Variants in SHROOM3 observed in about 807,000 individuals in gnomAD.
SHROOM3 encodes the protein protein Shroom3.
A neutral mutation model predicts 138.6 loss-of-function variants in SHROOM3; 47 were observed. That is an observed-to-expected ratio of 0.34 (90% CI 0.27 to 0.43). The LOEUF is 0.43. Among genes scored for constraint, SHROOM3 ranks in the 20% least tolerant of loss-of-function variants. The probability of loss-of-function intolerance (pLI) is 1.00; values close to 1 mark genes in which losing one functional copy is unlikely to be tolerated. For missense variants in SHROOM3, 2,491 were observed against 2,596.5 expected (o/e 0.96, Z 0.88); for synonymous variants, 1,062 against 1,063.3 (o/e 1.00, Z 0.02).
chr4:76,609,515 C>T (rs1328219237), intron 2 of SHROOM3, among the ~76,000 whole-genome samples: 1 of 152,214 alleles, frequency 6.6e-6, no homozygotes. Context: ...ATGAGATTCT[C>T]CTGCCTCAGC....
intron 4 of SHROOM3, among the ~76,000 whole-genome samples, chr4:76,734,656 G>A (rs910386517): frequency 5.9e-5 from 9 of 151,900 alleles, no homozygotes; most frequent in Admixed American, 2.0e-4. Context: ...GATTACAGGC[G>A]TGAGCCACCG....
chr4:76,611,926 C>T (rs977443751), intron 2 of SHROOM3, among the ~76,000 whole-genome samples: 3 of 152,204 alleles, frequency 2.0e-5, no homozygotes, highest in African/African-American at 7.2e-5. Context: ...CAGGCTGAAT[C>T]AGTTCCATGT....
chr4:76,747,815 G>A (rs533139653), intron 5 of SHROOM3, among the ~76,000 whole-genome samples: 15 of 152,234 alleles, frequency 9.9e-5, no homozygotes, highest in African/African-American at 3.6e-4. Context: ...ATTCAAGTCT[G>A]ATTACATCCA....
chr4:76,485,450 T>C (rs1178416758), intron 1 of SHROOM3, among the ~76,000 whole-genome samples: 1 of 152,226 alleles, frequency 6.6e-6, no homozygotes, highest in African/African-American at 2.4e-5. Flanking sequence ...ATTCATGGTG[T>C]TTTCATGAAC....
chr4:76,761,437 T>C (rs1414857506), intron 9 of SHROOM3, among the ~76,000 whole-genome samples: 1 of 152,224 alleles, frequency 6.6e-6, no homozygotes, highest in African/African-American at 2.4e-5. Context: ...CACAATGCTG[T>C]ACTATCTTAC....
chr4:76,559,091 C>A (rs1482052581), intron 2 of SHROOM3: 1 of 152,250 alleles, frequency 6.6e-6, no homozygotes, highest in Non-Finnish European at 1.5e-5. Context: ...AGTTCTTGCA[C>A]TTTCTGCTTC....
In SHROOM3 at chr4:76,548,040, G is replaced by A. The variant is rs7694945; in HGVS notation, c.169-7569G>A. ...TTAGGGGAGGCTGAAATTTTAAAGCGGTAGCTAGGAAAGGCCCCCTCTGGA... is the reference window on the plus strand; with the variant it reads ...TTAGGGGAGGCTGAAATTTTAAAGCAGTAGCTAGGAAAGGCCCCCTCTGGA... On this transcript the variant is annotated intron_variant, in intron 1 of 10. Transcript: ENST00000296043. 5.4e-3 allele frequency among the ~76,000 whole-genome samples: 814 copies of A among 152,140 alleles called. 9 individuals are homozygous for A. The highest frequency in any genetic ancestry group is 0.019 in the African/African-American group (772 of 41,520).
chr4:76,505,862 C>T (rs561678454), intron 1 of SHROOM3, among the ~76,000 whole-genome samples: 3 of 152,106 alleles, frequency 2.0e-5, no homozygotes, highest in African/African-American at 7.2e-5. Context: ...TAGGGTCTCA[C>T]TATGTCTCCA....
chr4:76,742,213 G>T, intron 5 of SHROOM3: 3 of 453,140 alleles, frequency 6.6e-6, no homozygotes, highest in Non-Finnish European at 1.2e-5. Flanking sequence ...AAAATGCAAG[G>T]TTAAGAAAAA....
rs184627858 is a variant in SHROOM3, at chr4:76,581,055, T to A, written c.323+25292T>A. Among the ~76,000 whole-genome samples, 8 of 152,324 alleles carry A rather than the reference T, an allele frequency of 5.3e-5. No individual in the cohort carries two copies. In the East Asian group the frequency reaches 1.5e-3, roughly 29 times the overall value. On this transcript the variant is annotated intron_variant, in intron 2 of 10. Transcript: ENST00000296043. The stretch of plus-strand genomic sequence containing the variant: ...ATGGATCATTAATAATGCTAGTTTG[T>A]GTTCCACAATGATTTTTCTCCAAGA...
chr4:76,554,378 G>A (rs1733433390), intron 1 of SHROOM3, among the ~76,000 whole-genome samples: 1 of 151,422 alleles, frequency 6.6e-6, no homozygotes, highest in Non-Finnish European at 1.5e-5. Flanking sequence ...CAAAAAGTAA[G>A]GTAAGAGGAA....
At chr4:76,578,004 A>G (rs918300911) in intron 2 of SHROOM3, among the ~76,000 whole-genome samples, 1 of 152,182 alleles carries the variant, frequency 6.6e-6, no homozygotes, top group African/African-American at 2.4e-5. Flanking sequence ...TCATCTTTTA[A>G]TAACCCACAC....
At position 76,741,105 on chromosome 4, in the gene SHROOM3, T is replaced by C. The variant is rs1302435004; in HGVS notation, c.2932T>C (p.Ser978Pro). ...LRSPEASASASPHTPRERHSV... is the reference protein window; with the variant it reads ...LRSPEASASAPPHTPRERHSV... ...GAGCCCCGAGGCGTCGGCCTCCGCC[T>C]CCCCGCACACGCCCCGGGAGCGGCA... The change falls in exon 5 of 11, where the codon TCC (serine) becomes CCC (proline). Residue 978 changes from serine to proline, a missense_variant. Transcript: ENST00000296043. This position sits in a 1 kb window ranked among gnomAD's most constrained non-coding sequence, Gnocchi z 6.2. The C allele has an allele frequency of 6.5e-7, 1 of 1,548,410 alleles. No individual in the cohort carries two copies. Among genetic ancestry groups the C allele is most frequent in the Non-Finnish European group, 8.7e-7 (1 of 1,146,758 alleles).
intron 2 of SHROOM3, among the ~76,000 whole-genome samples, chr4:76,657,289 G>A (rs1736086510): frequency 6.6e-6 from 1 of 152,094 alleles, no homozygotes; most frequent in Non-Finnish European, 1.5e-5. Context: ...TAAGGCCGTT[G>A]ATAGATGGTG....
At chr4:76,617,686 G>A (rs944272499) in intron 2 of SHROOM3, among the ~76,000 whole-genome samples, 2 of 152,160 alleles carry the variant, frequency 1.3e-5, no homozygotes, top group African/African-American at 2.4e-5. Context: ...CTAAGGTATA[G>A]TGTGAGGCTA....
In SHROOM3 at chr4:76,680,360, T is replaced by C. The variant is rs140289916; in HGVS notation, c.324-29796T>C. 8.6e-3 allele frequency among the ~76,000 whole-genome samples: 1,307 copies of C among 152,246 alleles called. 20 individuals are homozygous for C. The highest frequency in any genetic ancestry group is 0.03 in the African/African-American group (1,248 of 41,552). ...TTCACTGTGTTAGCCAGGTTGGTCT[T>C]GATCTCCTGACCTCACGATCTGCCC... On this transcript the variant is annotated intron_variant, in intron 2 of 10. Coordinates refer to ENST00000296043, the MANE Select transcript of SHROOM3 (RefSeq NM_020859.4).
chr4:76,661,659 C>T (rs1392076111), intron 2 of SHROOM3, among the ~76,000 whole-genome samples: 2 of 152,104 alleles, frequency 1.3e-5, no homozygotes, highest in Non-Finnish European at 2.9e-5. Flanking sequence ...CCTAGAAATT[C>T]GTTAAATGAA....
At chr4:76,768,302 C>T (rs1298900825) in intron 9 of SHROOM3, among the ~76,000 whole-genome samples, 1 of 152,200 alleles carries the variant, frequency 6.6e-6, no homozygotes, top group African/African-American at 2.4e-5. Context: ...GCGCTGATAT[C>T]ACAGTGAAAG....
At position 76,715,733 on chromosome 4, in the gene SHROOM3, C is replaced by T. The variant is rs372459342; in HGVS notation, c.455+5446C>T. 3.3e-5 allele frequency among the ~76,000 whole-genome samples: 5 copies of T among 152,178 alleles called. No homozygotes were observed. In the South Asian group the frequency reaches 1.0e-3, roughly 32 times the overall value. Reference sequence around the variant, plus strand: ...CAGAATCTGACTCCTCTAATTCATTCTCAATTGAACAGCAAGGTTAGTTCT... The same window carrying T: ...CAGAATCTGACTCCTCTAATTCATTTTCAATTGAACAGCAAGGTTAGTTCT... On this transcript the variant is annotated intron_variant, in intron 3 of 10. Transcript: ENST00000296043.
Sources: allele counts gnomAD v4.1 joint callset (sites outside exome capture counted in the v4.1 genomes callset), GRCh38; gene constraint gnomAD v4.1.1; non-coding constraint Gnocchi (gnomAD v3.1); transcripts MANE v1.5; gene names NCBI Gene and HGNC (gene_info 2026-07-23, HGNC 2026-07-21).